ATRNL1: variants seen among roughly 807,000 people sequenced by gnomAD.
ATRNL1 encodes the protein attractin like 1, also known as attractin-like protein 1.
Under a neutral mutation model 182.7 loss-of-function variants are expected in ATRNL1, and 95 were observed. The ratio of observed to expected loss-of-function variants is 0.52; its 90% CI spans 0.44 to 0.62. The LOEUF is 0.62. Ranked by LOEUF, ATRNL1 falls within the 20% of genes least tolerant of loss-of-function variation. The pLI, the probability that ATRNL1 is intolerant of heterozygous loss-of-function variation, is 0.00. For synonymous variants in ATRNL1, 576 were observed against 568.3 expected (o/e 1.01, Z -0.19); for missense variants, 1,471 against 1,679.5 (o/e 0.88, Z 2.17).
chr10:115,815,901 G>T (rs1157081159), intron 27 of ATRNL1, among the ~76,000 whole-genome samples: 3 of 152,064 alleles, frequency 2.0e-5, no homozygotes, highest in Non-Finnish European at 4.4e-5. Flanking sequence ...CAAATTGCCA[G>T]GTAAGAGGAG....
At position 115,291,810 on chromosome 10, in the gene ATRNL1, G is replaced by GTT. The variant is rs869274544; in HGVS notation, c.2415+5432_2415+5433dup. 7.9e-4 allele frequency among the ~76,000 whole-genome samples: 95 copies of GTT among 120,086 alleles called. 2 individuals are homozygous for GTT. In the South Asian group the frequency reaches 0.02, roughly 25 times the overall value. The allele number at this position is 120,086 out of a possible 152,430, so 78.8% of individuals were successfully genotyped here. A position where few individuals can be genotyped will look rare whatever the true frequency, so the allele number is the denominator to read the frequency against. On this transcript the variant is annotated intron_variant, in intron 15 of 28. Coordinates refer to ENST00000355044, the MANE Select transcript of ATRNL1 (RefSeq NM_207303.4). ...GTTCATCATAGATATTGGCCTCTAG[G>GTT]TTTTTTTTTTTTTTTTTTTTAATGT...
intron 26 of ATRNL1, among the ~76,000 whole-genome samples, chr10:115,580,749 A>T (rs191322586): frequency 6.6e-6 from 1 of 151,902 alleles, no homozygotes; most frequent in East Asian, 1.9e-4. Flanking sequence ...TAAGTCCCAT[A>T]AAGCTGTCTT....
intron 27 of ATRNL1, among the ~76,000 whole-genome samples, chr10:115,772,832 C>G (rs1393476126): frequency 3.3e-5 from 5 of 152,056 alleles, no homozygotes; most frequent in African/African-American, 1.2e-4. Context: ...TTTTTGCAGG[C>G]TAAATCAGAC....
At chr10:115,842,765 T>C (rs577250210) in intron 27 of ATRNL1, among the ~76,000 whole-genome samples, 1 of 152,194 alleles carries the variant, frequency 6.6e-6, no homozygotes, top group East Asian at 1.9e-4. Context: ...AAAACCTAGA[T>C]TCTAGAATCA....
intron 9 of ATRNL1, among the ~76,000 whole-genome samples, chr10:115,239,694 T>C (rs1221760363): frequency 6.6e-6 from 1 of 152,154 alleles, no homozygotes; most frequent in Non-Finnish European, 1.5e-5. Context: ...TGGAGTCTTC[T>C]CAACTTGGCT....
At chr10:115,612,514 CTT>C (rs1396247277) in intron 26 of ATRNL1, among the ~76,000 whole-genome samples, 3 of 152,158 alleles carry the variant, frequency 2.0e-5, no homozygotes, top group African/African-American at 7.2e-5. Context: ...CAAGAGGAAG[CTT>C]TCAAAGGAAA....
intron 28 of ATRNL1, among the ~76,000 whole-genome samples, chr10:115,868,088 T>A (rs1425143444): frequency 6.6e-6 from 1 of 152,150 alleles, no homozygotes; most frequent in Non-Finnish European, 1.5e-5. Flanking sequence ...TATACAAACA[T>A]AGAGCTTATA....
At chr10:115,930,323 T>C (rs553467436) in intron 28 of ATRNL1, among the ~76,000 whole-genome samples, 6 of 152,292 alleles carry the variant, frequency 3.9e-5, no homozygotes, top group African/African-American at 1.4e-4. Context: ...CAGACCATGC[T>C]CAGAGTTGTA....
In ATRNL1 at chr10:115,240,254, CT is replaced by C. The variant is rs782480774; in HGVS notation, c.1533-1302del. ...TGTAAGTGAGCTTCATACTTTTTTC[CT>C]TTTTTTTTTTTTTTGAGACAGAGTC... On this transcript the variant is annotated intron_variant, in intron 9 of 28. Coordinates refer to ENST00000355044, the MANE Select transcript of ATRNL1 (RefSeq NM_207303.4). Among the ~76,000 whole-genome samples, 1,080 of 137,918 alleles carry C rather than the reference CT, an allele frequency of 7.8e-3. 7 individuals carry two copies. The highest frequency in any genetic ancestry group is 0.021 in the African/African-American group (807 of 37,916). 90.5% of individuals were successfully genotyped at this position (137,918 alleles called of 152,430 possible). A position where few individuals can be genotyped will look rare whatever the true frequency, so the allele number is the denominator to read the frequency against.
chr10:115,662,185 A>T (rs1860735753), intron 26 of ATRNL1, among the ~76,000 whole-genome samples: 1 of 151,812 alleles, frequency 6.6e-6, no homozygotes, highest in Admixed American at 6.6e-5. Flanking sequence ...TCATTGTTGG[A>T]CATTTGGCTT....
intron 8 of ATRNL1, among the ~76,000 whole-genome samples, chr10:115,173,807 TC>T (rs1465564919): frequency 6.6e-6 from 1 of 151,740 alleles, no homozygotes; most frequent in Non-Finnish European, 1.5e-5. Flanking sequence ...CCTTTGCTCA[TC>T]CCTTTATTGT....
intron 8 of ATRNL1, among the ~76,000 whole-genome samples, chr10:115,202,535 T>C (rs1554892688): frequency 6.6e-6 from 1 of 152,190 alleles, no homozygotes; most frequent in Non-Finnish European, 1.5e-5. Flanking sequence ...GGATTACATT[T>C]ATTGATTTGC....
intron 18 of ATRNL1, among the ~76,000 whole-genome samples, chr10:115,319,505 T>C (rs1236447160): frequency 6.6e-6 from 1 of 152,186 alleles, no homozygotes; most frequent in Non-Finnish European, 1.5e-5. Context: ...CCCACTATTA[T>C]TGTGTGGGAG....
chr10:115,516,013 C>T (rs1272478931), intron 24 of ATRNL1, among the ~76,000 whole-genome samples: 1 of 151,764 alleles, frequency 6.6e-6, no homozygotes, highest in African/African-American at 2.4e-5. Flanking sequence ...TGCATCTATT[C>T]TGTCTCCTAG....
At chr10:115,551,290 A>G (rs1272357632) in intron 26 of ATRNL1, among the ~76,000 whole-genome samples, 9 of 151,682 alleles carry the variant, frequency 5.9e-5, no homozygotes, top group African/African-American at 1.9e-4. Context: ...TGTTTATTAC[A>G]TACTAATCAG....
chr10:115,761,715 G>C (rs1197454958), intron 27 of ATRNL1, among the ~76,000 whole-genome samples: 1 of 152,140 alleles, frequency 6.6e-6, no homozygotes, highest in South Asian at 2.1e-4. Flanking sequence ...ACAGCAGCTG[G>C]ATAAAAATCC....
At chr10:115,368,296 G>T (rs1311203230) in intron 19 of ATRNL1, among the ~76,000 whole-genome samples, 1 of 152,166 alleles carries the variant, frequency 6.6e-6, no homozygotes, top group Admixed American at 6.5e-5. Context: ...TTCCAGGTGC[G>T]TCCGTCACCC....
At chr10:115,166,945 G>C (rs1847073167) in intron 7 of ATRNL1, among the ~76,000 whole-genome samples, 1 of 150,956 alleles carries the variant, frequency 6.6e-6, no homozygotes, top group Non-Finnish European at 1.5e-5. Context: ...TGTTACTTAT[G>C]CTTTTGTGTC....
At chr10:115,207,091 A>T (rs1012312690) in intron 8 of ATRNL1, among the ~76,000 whole-genome samples, 1 of 152,102 alleles carries the variant, frequency 6.6e-6, no homozygotes, top group Non-Finnish European at 1.5e-5. Flanking sequence ...TCTATCATTG[A>T]TGGACATTTG....
Sources: allele counts gnomAD v4.1 joint callset (sites outside exome capture counted in the v4.1 genomes callset), GRCh38; gene constraint gnomAD v4.1.1; transcripts MANE v1.5; gene names NCBI Gene and HGNC (gene_info 2026-07-23, HGNC 2026-07-21).